Variants in PTGR1 observed in about 807,000 individuals in gnomAD.
The protein encoded by PTGR1 is prostaglandin reductase 1.
In PTGR1, 23 loss-of-function variants were observed where a neutral mutation model predicts 37.7. The ratio of observed to expected loss-of-function variants is 0.61; its 90% CI spans 0.44 to 0.86. The LOEUF (loss-of-function observed/expected upper bound fraction) is 0.86. Among genes scored for constraint, PTGR1 ranks in the 40% least tolerant of loss-of-function variants. The pLI is 0.00. For synonymous variants in PTGR1, 134 were observed against 140.0 expected (o/e 0.96, Z 0.30); for missense variants, 351 against 394.3 (o/e 0.89, Z 0.93).
At chr9:111,558,401 G>A (rs140465773), downstream of PTGR1, among the ~76,000 whole-genome samples, 1 of 152,068 alleles carries the variant, frequency 6.6e-6, no homozygotes, top group African/African-American at 2.4e-5. Flanking sequence ...CTCCAGGCTG[G>A]GCATGGTGGC....
chr9:111,567,566 A>T lies in PTGR1; in HGVS notation c.879+2525T>A, dbSNP rs188057007. Among the ~76,000 whole-genome samples the T allele has an allele frequency of 1.7e-3, 255 of 150,152 alleles. 2 individuals carry two copies. The highest frequency in any genetic ancestry group is 6.2e-3 in the African/African-American group (243 of 39,472). ...CAGAGGGGTGGAGGAGACTGGGCCA[A>T]GTAAATAAGAGGATGAATACTAAGA... On this transcript the variant is annotated intron_variant, in intron 9 of 9. Transcript: ENST00000407693.
At chr9:111,570,257 C>A in intron 8 of PTGR1, 48 bp from the exon 9 acceptor site, 2 of 1,580,530 alleles carry the variant, frequency 1.3e-6, no homozygotes, top group South Asian at 1.2e-5. Flanking sequence ...GGGAGGTGCC[C>A]ATGGTGAAAC....
rs747361093 is a variant in PTGR1 at position 111,586,797 on chromosome 9, C to A, written c.210-632G>T. On this transcript the variant is annotated intron_variant, in intron 4 of 9. Coordinates refer to ENST00000407693, the MANE Select transcript of PTGR1 (RefSeq NM_001146108.2). ...TTACTTTTCCACTCTCTCTCTCTCTCTCTCTCTATATATATATATATATGC... is the reference window on the plus strand; with the variant it reads ...TTACTTTTCCACTCTCTCTCTCTCTATCTCTCTATATATATATATATATGC... Among the ~76,000 whole-genome samples the A allele has an allele frequency of 5.4e-4, 80 of 148,152 alleles. 1 individual carries two copies. The highest frequency in any genetic ancestry group is 4.6e-3 in the East Asian group (23 of 5,034).
In PTGR1 at chr9:111,594,234, T is replaced by C. The variant is rs1405057147; in HGVS notation, c.140A>G (p.Asp47Gly). 6.2e-7 allele frequency: 1 copy of C among 1,613,490 alleles called. No individual in the cohort carries two copies. ...AAATAAATAATACCTCATGTAGGGA[T>C]CCACGGTGAGGAACAAAGCTTCAAG... The part of the protein sequence containing the change: ...VLLEALFLTV[D>G]PYMRVAAKRL... Residue 47 changes from aspartate to glycine, a missense_variant, in exon 3 of 10, where the codon GAT becomes GGT. Asp to Gly is a moderately conservative substitution (Grantham distance 94). Transcript: ENST00000407693.
chr9:111,576,835 A>T (rs1829079145), intron 7 of PTGR1: 1 of 154,716 alleles, frequency 6.5e-6, no homozygotes, highest in South Asian at 2.0e-4. Flanking sequence ...TCATGCCTAT[A>T]ATCCCAGCAC....
intron 4 of PTGR1, among the ~76,000 whole-genome samples, chr9:111,588,896 C>A (rs1824003976): frequency 6.6e-6 from 1 of 152,084 alleles, no homozygotes; most frequent in Admixed American, 6.5e-5. Context: ...CTAGATCCAC[C>A]CACCTCGACC....
intron 8 of PTGR1, among the ~76,000 whole-genome samples, chr9:111,573,607 G>A (rs1828928939): frequency 6.6e-6 from 1 of 152,054 alleles, no homozygotes; most frequent in Admixed American, 6.5e-5. Context: ...GGTAATTTGT[G>A]ATCTCTCTTA....
intron 4 of PTGR1, among the ~76,000 whole-genome samples, chr9:111,591,907 C>T (rs1463931707): frequency 6.6e-6 from 1 of 152,146 alleles, no homozygotes; most frequent in East Asian, 1.9e-4. Context: ...CCAGAATGAG[C>T]CAACAGCGTG....
At chr9:111,587,553 G>A (rs1367526831) in intron 4 of PTGR1, among the ~76,000 whole-genome samples, 1 of 152,164 alleles carries the variant, frequency 6.6e-6, no homozygotes, top group Non-Finnish European at 1.5e-5. Flanking sequence ...CCGGGTTCAA[G>A]CAGTTCTCCT....
intron 9 of PTGR1, among the ~76,000 whole-genome samples, chr9:111,567,025 G>C (rs1020952959): frequency 2.6e-5 from 4 of 151,758 alleles, no homozygotes; most frequent in Admixed American, 2.0e-4. Flanking sequence ...GGTCAAGGCT[G>C]TGGTGAGCCA....
At chr9:111,584,560 C>T (rs1829375892) in intron 5 of PTGR1, among the ~76,000 whole-genome samples, 1 of 151,856 alleles carries the variant, frequency 6.6e-6, no homozygotes, top group South Asian at 2.1e-4. Context: ...TTAGAGGTGA[C>T]CATTTGGCAC....
intron 6 of PTGR1, among the ~76,000 whole-genome samples, chr9:111,580,571 C>T (rs1829250910): frequency 6.6e-6 from 1 of 152,066 alleles, no homozygotes; most frequent in East Asian, 1.9e-4. Flanking sequence ...GCCTGACCAA[C>T]ACGGAGAAAC....
intron 9 of PTGR1, among the ~76,000 whole-genome samples, chr9:111,554,476 C>T (rs561299014): frequency 2.0e-5 from 3 of 152,310 alleles, no homozygotes; most frequent in South Asian, 4.1e-4. Flanking sequence ...TTAATGCATA[C>T]AGTAGCCCCC....
rs1406446174 is a variant in PTGR1 at position 111,570,676 on chromosome 9, G to A, written c.761-467C>T. On this transcript the variant is annotated intron_variant, in intron 8 of 9. Transcript: ENST00000407693. ...TGCCTATAGTCCCAGCTACTTGGGA[G>A]GCTGAGGCAGGAGAATTGCTTGAAC... Among the ~76,000 whole-genome samples, 4 of 152,198 alleles carry A rather than the reference G, an allele frequency of 2.6e-5. No individual in the cohort carries two copies. In the East Asian group the frequency reaches 5.8e-4, roughly 22 times the overall value.
chr9:111,558,307 G>A (rs1429872960), downstream of PTGR1, among the ~76,000 whole-genome samples: 3 of 152,088 alleles, frequency 2.0e-5, no homozygotes, highest in Non-Finnish European at 4.4e-5. Flanking sequence ...GATTTGTCTA[G>A]TGGGAGCCCT....
At chr9:111,588,335 T>A (rs1203733651) in intron 4 of PTGR1, among the ~76,000 whole-genome samples, 1 of 151,806 alleles carries the variant, frequency 6.6e-6, no homozygotes, top group Non-Finnish European at 1.5e-5. Flanking sequence ...TAGCTGGGAC[T>A]ACAGGTGCCC....
chr9:111,562,843 A>T lies in PTGR1; in HGVS notation c.*278T>A. 2.6e-6 allele frequency: 2 copies of T among 778,390 alleles called. No individual in the cohort carries two copies. Among genetic ancestry groups the T allele is most frequent in the Non-Finnish European group, 3.5e-6 (2 of 579,132 alleles). 48.2% of individuals were successfully genotyped at this position (778,390 alleles called of 1,614,324 possible). ...AGCTCCCACTTATGAATGAAAACAT[A>T]CAGTGTTTGGAAAATTTTCACACTT... On this transcript the variant is annotated 3_prime_UTR_variant, in exon 10 of 10. Coordinates refer to ENST00000407693, the MANE Select transcript of PTGR1 (RefSeq NM_001146108.2).
intron 5 of PTGR1, among the ~76,000 whole-genome samples, chr9:111,584,055 A>T (rs953512728): frequency 6.6e-6 from 1 of 152,170 alleles, no homozygotes; most frequent in Admixed American, 6.5e-5. Context: ...GGAGCTTTCC[A>T]TGGCTCCAAA....
downstream of PTGR1, among the ~76,000 whole-genome samples, chr9:111,561,996 C>G (rs1483351072): frequency 6.6e-6 from 1 of 151,268 alleles, no homozygotes; most frequent in East Asian, 1.9e-4. Flanking sequence ...AGCGATTTTC[C>G]TGCCTCAGCC....
Sources: gnomAD v4.1 joint callset for allele counts (sites outside exome capture counted in the v4.1 genomes callset) on GRCh38, gnomAD v4.1.1 for gene constraint, MANE v1.5 for transcripts, NCBI Gene and HGNC (gene_info 2026-07-23, HGNC 2026-07-21) for gene names.